The following ZFHX4 variants were observed in gnomAD, a reference collection of about 807,000 sequenced individuals.
The protein encoded by ZFHX4 is zinc finger homeobox 4, also known as zinc finger homeobox protein 4.
Under a neutral mutation model 267.6 loss-of-function variants are expected in ZFHX4, and 56 were observed. The observed-to-expected ratio is 0.21, with a 90% CI of 0.17 to 0.26. The LOEUF is 0.26. ZFHX4 is among the 10% of genes least tolerant of loss of function. The pLI is 1.00. For synonymous variants in ZFHX4, 1,778 were observed against 1,665.6 expected, an observed-to-expected ratio of 1.07 and a Z score of -1.64; for missense variants, 4,332 against 4,420.0, an observed-to-expected ratio of 0.98 and a Z score of 0.56.
At chr8:76,697,778 T>C (rs1426544939) in intron 1 of ZFHX4, among the ~76,000 whole-genome samples, 2 of 152,086 alleles carry the variant, frequency 1.3e-5, no homozygotes, top group African/African-American at 2.4e-5. Context: ...TCATAGTACC[T>C]GATTGATTTA....
intron 1 of ZFHX4, among the ~76,000 whole-genome samples, chr8:76,695,873 A>G (rs900138620): frequency 7.9e-5 from 12 of 152,206 alleles, no homozygotes; most frequent in Non-Finnish European, 1.2e-4. Context: ...TAGCTGCACT[A>G]ATTGCTGCCA....
chr8:76,723,045 C>A (rs1808765717), intron 3 of ZFHX4, among the ~76,000 whole-genome samples: 1 of 151,958 alleles, frequency 6.6e-6, no homozygotes, highest in Non-Finnish European at 1.5e-5. Flanking sequence ...TTTGTGTATT[C>A]TTTTATGTTT....
At chr8:76,730,773 C>T (rs1005923125) in intron 3 of ZFHX4, among the ~76,000 whole-genome samples, 1 of 152,078 alleles carries the variant, frequency 6.6e-6, no homozygotes, top group Non-Finnish European at 1.5e-5. Context: ...AGCACCTGGT[C>T]CTTGACTTGG....
At chr8:76,758,549 C>T (rs1190571602) in intron 3 of ZFHX4, among the ~76,000 whole-genome samples, 5 of 152,124 alleles carry the variant, frequency 3.3e-5, no homozygotes, top group African/African-American at 1.2e-4. Context: ...GGCTGGAGTG[C>T]AGTAGCACGA....
At chr8:76,831,984 A>C (rs1811944841) in intron 4 of ZFHX4, among the ~76,000 whole-genome samples, 1 of 127,374 alleles carries the variant, frequency 7.9e-6, no homozygotes, top group East Asian at 2.7e-4. Context: ...GATGAATTTA[A>C]CATAATGGTT....
rs1165494839 is a variant in ZFHX4, at chr8:76,863,887, A to G, written c.10173A>G (p.Ser3391=). 1.9e-6 allele frequency: 3 copies of G among 1,568,474 alleles called. No individual in the cohort carries two copies. In the East Asian group the frequency reaches 7.0e-5, roughly 37 times the overall value. Residue 3391 remains serine, a synonymous_variant, in exon 11 of 11, where the codon TCA becomes TCG. Coordinates refer to ENST00000651372, the MANE Select transcript of ZFHX4 (RefSeq NM_024721.5). ...TAGAATCCAAAAGTGCAGACTTTTC[A>G]GACACTTACGTTGTTCCATTCGTCA... The part of the protein sequence containing the change: ...PQLESKSADF[S]DTYVVPFVKY...
At chr8:76,761,686 G>T (rs149490761) in intron 3 of ZFHX4, among the ~76,000 whole-genome samples, 11 of 152,270 alleles carry the variant, frequency 7.2e-5, no homozygotes, top group African/African-American at 2.6e-4. Context: ...AGAAGGAAAA[G>T]TATTTAATAG....
intron 4 of ZFHX4, among the ~76,000 whole-genome samples, chr8:76,827,366 C>T (rs1040244936): frequency 6.6e-6 from 1 of 152,278 alleles, no homozygotes; most frequent in South Asian, 2.1e-4. Flanking sequence ...TGCAGCATGG[C>T]CCGTTCCTAA....
chr8:76,850,796 C>G, intron 9 of ZFHX4, 90 bp from the exon 10 acceptor site: 6 of 1,338,198 alleles, frequency 4.5e-6, no homozygotes, highest in Non-Finnish European at 5.9e-6. Context: ...TAAGCAGAAG[C>G]CTTTAGAGGC....
At chr8:76,694,666 C>T (rs1018283594) in intron 1 of ZFHX4, among the ~76,000 whole-genome samples, 1 of 113,100 alleles carries the variant, frequency 8.8e-6, no homozygotes, top group Non-Finnish European at 1.8e-5. Context: ...CCTGCACCCG[C>T]CCCCCACCCT....
intron 7 of ZFHX4, 95 bp downstream of exon 7, chr8:76,849,223 T>C: frequency 7.3e-7 from 1 of 1,365,658 alleles, no homozygotes; most frequent in Non-Finnish European, 9.8e-7. Context: ...TGTTGAAATG[T>C]ATGTAGACAT....
rs778648437 is a variant in ZFHX4, at chr8:76,778,454, A to G, written c.3325+15A>G. On this transcript the variant is annotated intron_variant, in intron 4 of 10. Transcript: ENST00000651372. ...AAATGAGCTTGGTGAGTAACCCTGA[A>G]GAGGGCTGTCTCTGAGCCTCCCTCC... 7 of 1,605,748 alleles carry G rather than the reference A, an allele frequency of 4.4e-6. No individual in the cohort carries two copies. The highest frequency in any genetic ancestry group is 6.0e-6 in the Non-Finnish European group (7 of 1,173,598).
intron 4 of ZFHX4, among the ~76,000 whole-genome samples, chr8:76,796,547 A>G (rs771011003): frequency 3.9e-5 from 6 of 152,126 alleles, no homozygotes; most frequent in Non-Finnish European, 8.8e-5. Context: ...CATGACTGCC[A>G]CACTTGCCGC....
chr8:76,772,721 CG>C (rs1249572063), intron 3 of ZFHX4, among the ~76,000 whole-genome samples: 1 of 152,110 alleles, frequency 6.6e-6, no homozygotes, highest in Non-Finnish European at 1.5e-5. Context: ...CATTCTGTTT[CG>C]AGTTCAATAT....
intron 5 of ZFHX4, among the ~76,000 whole-genome samples, chr8:76,840,374 C>T (rs1054916778): frequency 6.6e-6 from 1 of 152,170 alleles, no homozygotes; most frequent in Admixed American, 6.6e-5. Context: ...TCTTTGTTCA[C>T]ATTCAGATTT....
intron 4 of ZFHX4, among the ~76,000 whole-genome samples, chr8:76,803,744 C>T (rs900864350): frequency 1.3e-5 from 2 of 152,060 alleles, no homozygotes; most frequent in African/African-American, 4.8e-5. Flanking sequence ...AAGAAAGCCA[C>T]AAATACTCAT....
intron 3 of ZFHX4, among the ~76,000 whole-genome samples, chr8:76,726,337 T>C (rs377213466): frequency 9.8e-4 from 149 of 152,274 alleles, no homozygotes; most frequent in African/African-American, 3.4e-3. Flanking sequence ...AAATGAAAAG[T>C]TGATGATTTT....
intron 4 of ZFHX4, among the ~76,000 whole-genome samples, chr8:76,784,481 G>A (rs949093154): frequency 9.2e-5 from 14 of 152,076 alleles, no homozygotes; most frequent in Non-Finnish European, 1.3e-4. Context: ...ATCCTAATCT[G>A]TCTTGTCATT....
intron 5 of ZFHX4, among the ~76,000 whole-genome samples, chr8:76,836,153 G>A (rs1486501305): frequency 6.6e-6 from 1 of 152,134 alleles, no homozygotes; most frequent in Non-Finnish European, 1.5e-5. Context: ...CCTCACTTTA[G>A]ATAATATCTC....
Sources: allele counts gnomAD v4.1 joint callset (sites outside exome capture counted in the v4.1 genomes callset), GRCh38; gene constraint gnomAD v4.1.1; transcripts MANE v1.5; gene names NCBI Gene and HGNC (gene_info 2026-07-23, HGNC 2026-07-21).